The following NBEA variants were observed in gnomAD, a reference collection of about 807,000 sequenced individuals.
The protein encoded by NBEA is lysosomal-trafficking regulator 2.
A neutral mutation model predicts 343.4 loss-of-function variants in NBEA; 44 were observed. That is an observed-to-expected ratio of 0.13 (90% CI 0.10 to 0.16). The LOEUF (loss-of-function observed/expected upper bound fraction) is 0.16. Among genes scored for constraint, NBEA ranks in the 10% least tolerant of loss-of-function variants. NBEA has a pLI of 1.00. For missense variants in NBEA, 2,555 were observed against 3,631.3 expected (o/e 0.70, Z 7.62); for synonymous variants, 1,175 against 1,238.7 (o/e 0.95, Z 1.08).
intron 37 of NBEA, among the ~76,000 whole-genome samples, chr13:35,351,353 A>G (rs1000447869): frequency 5.3e-5 from 8 of 151,972 alleles, no homozygotes; most frequent in Admixed American, 2.0e-4. Flanking sequence ...CTGTATAAAA[A>G]CTACAATAAC....
rs370226648 is a variant in NBEA at position 35,321,874 on chromosome 13, C to T, written c.5903+12282C>T. 1.8e-4 allele frequency among the ~76,000 whole-genome samples: 27 copies of T among 152,326 alleles called. No individual in the cohort carries two copies. The East Asian group carries it at 4.7e-3, about 26-fold the overall frequency. ...GGAGGGCTCCGCCCAGTTGAAACTT[C>T]CCGGTGGCTTTGTTTACACTATGCA... On this transcript the variant is annotated intron_variant, in intron 36 of 58. Transcript: ENST00000379939.
At chr13:35,069,405 A>G (rs981920164) in intron 8 of NBEA, among the ~76,000 whole-genome samples, 2 of 152,070 alleles carry the variant, frequency 1.3e-5, no homozygotes, top group Non-Finnish European at 2.9e-5. Flanking sequence ...GTATATTGTG[A>G]TATTATTATT....
chr13:35,008,643 C>G (rs549670580), intron 1 of NBEA, among the ~76,000 whole-genome samples: 2 of 152,226 alleles, frequency 1.3e-5, no homozygotes, highest in East Asian at 3.9e-4. Flanking sequence ...CTACTTAATT[C>G]TAGAATACTT....
At chr13:35,333,880 CT>C (rs1450602535) in intron 36 of NBEA, among the ~76,000 whole-genome samples, 1 of 152,032 alleles carries the variant, frequency 6.6e-6, no homozygotes. Flanking sequence ...GGGTCTCATT[CT>C]TTTTTATGGC....
At chr13:35,588,968 A>G (rs1304066848) in intron 46 of NBEA, among the ~76,000 whole-genome samples, 1 of 152,182 alleles carries the variant, frequency 6.6e-6, no homozygotes, top group Non-Finnish European at 1.5e-5. Context: ...GCCTCTTTAA[A>G]CCATAATGTG....
chr13:34,984,716 A>T (rs2060486248), intron 1 of NBEA, among the ~76,000 whole-genome samples: 1 of 150,890 alleles, frequency 6.6e-6, no homozygotes, highest in African/African-American at 2.4e-5. Flanking sequence ...TATTTCGTTG[A>T]GCAGTGGTTT....
At chr13:35,651,950 A>G (rs1360620551) in intron 53 of NBEA, 74 bp downstream of exon 53, 9 of 853,320 alleles carry the variant, frequency 1.1e-5, no homozygotes, top group South Asian at 1.6e-5. Flanking sequence ...TTCATAAGAT[A>G]GTTGAACAAT....
At chr13:35,332,745 A>G (rs761391385) in intron 36 of NBEA, among the ~76,000 whole-genome samples, 28 of 152,164 alleles carry the variant, frequency 1.8e-4, no homozygotes, top group East Asian at 3.8e-4. Context: ...TAAAATTTAA[A>G]CAAAAGCATT....
At chr13:35,464,154 G>C (rs1025063953) in intron 40 of NBEA, among the ~76,000 whole-genome samples, 1 of 151,732 alleles carries the variant, frequency 6.6e-6, no homozygotes, top group South Asian at 2.1e-4. Context: ...CCATCTTCTC[G>C]GGAGAATGTG....
At chr13:35,574,221 CTG>C (rs2080597025) in intron 45 of NBEA, among the ~76,000 whole-genome samples, 2 of 150,520 alleles carry the variant, frequency 1.3e-5, no homozygotes, top group Admixed American at 1.3e-4. Context: ...ATGAGTTGCA[CTG>C]GTTATATAGA....
chr13:35,109,268 G>C (rs769983362), intron 11 of NBEA, 22 bp from the exon 12 acceptor site: 1 of 1,548,262 alleles, frequency 6.5e-7, no homozygotes, highest in South Asian at 1.3e-5. Context: ...TTTCAAGCTA[G>C]AATTTCTGTT....
At chr13:35,487,900 G>T (rs1222102111) in intron 41 of NBEA, among the ~76,000 whole-genome samples, 1 of 151,840 alleles carries the variant, frequency 6.6e-6, no homozygotes, top group Non-Finnish European at 1.5e-5. Flanking sequence ...ACGGTGCCTA[G>T]AAAGTATTAC....
intron 6 of NBEA, 75 bp downstream of exon 6, chr13:35,050,470 G>T: frequency 7.2e-7 from 1 of 1,396,706 alleles, no homozygotes; most frequent in South Asian, 1.4e-5. Context: ...GAGCTCTGTA[G>T]TATTCTCTTT....
At chr13:35,171,014 A>AT in intron 25 of NBEA, 4 of 554,348 alleles carry the variant, frequency 7.2e-6, no homozygotes, top group South Asian at 5.1e-5. Context: ...TTAGGATGTC[A>AT]TTTTTATAAC....
intron 1 of NBEA, among the ~76,000 whole-genome samples, chr13:35,004,437 T>C (rs2061248258): frequency 1.3e-5 from 2 of 152,172 alleles, no homozygotes; most frequent in Admixed American, 6.5e-5. Flanking sequence ...ATGTTTGAAA[T>C]AGTTTGCTGT....
intron 10 of NBEA, among the ~76,000 whole-genome samples, chr13:35,073,902 A>G (rs2063991605): frequency 6.6e-6 from 1 of 152,180 alleles, no homozygotes; most frequent in South Asian, 2.1e-4. Flanking sequence ...TGATCACACC[A>G]CTGCTCTTCA....
intron 36 of NBEA, among the ~76,000 whole-genome samples, chr13:35,345,098 T>C (rs750929952): frequency 1.3e-5 from 2 of 152,086 alleles, no homozygotes; most frequent in Non-Finnish European, 2.9e-5. Flanking sequence ...TTGTTCATCA[T>C]TTTAAAAATT....
chr13:35,636,849 T>G (rs1341316934), intron 49 of NBEA, among the ~76,000 whole-genome samples: 1 of 152,234 alleles, frequency 6.6e-6, no homozygotes, highest in Non-Finnish European at 1.5e-5. Context: ...TGCTAAAATC[T>G]TCGCTTCCAG....
intron 34 of NBEA, among the ~76,000 whole-genome samples, chr13:35,257,544 TTC>T (rs2032754809): frequency 6.6e-6 from 1 of 152,198 alleles, no homozygotes; most frequent in African/African-American, 2.4e-5. Context: ...TGGTTACAGT[TTC>T]CATTTTTACA....
Sources: allele counts gnomAD v4.1 joint callset (sites outside exome capture counted in the v4.1 genomes callset), GRCh38; gene constraint gnomAD v4.1.1; transcripts MANE v1.5; gene names NCBI Gene and HGNC (gene_info 2026-07-23, HGNC 2026-07-21).